SLC4A10: variants seen among roughly 807,000 people sequenced by gnomAD.
The protein encoded by SLC4A10 is solute carrier family 4 member 10, also known as sodium-driven chloride bicarbonate exchanger.
SLC4A10 carries 42 observed loss-of-function variants against 137.7 expected under a neutral mutation model. That is an observed-to-expected ratio of 0.30 (90% CI 0.24 to 0.39). The LOEUF is 0.39. SLC4A10 is among the 10% of genes least tolerant of loss of function. The pLI is 1.00. For missense variants in SLC4A10, 925 were observed against 1,355.0 expected (o/e 0.68, Z 4.98); for synonymous variants, 474 against 464.1 (o/e 1.02, Z -0.27).
chr2:161,983,331 C>T lies in SLC4A10; in HGVS notation c.*179C>T. The T allele has an allele frequency of 7.8e-7, 1 of 1,287,852 alleles. No homozygotes were observed. The highest frequency in any genetic ancestry group is 1.3e-5 in the South Asian group (1 of 74,610). The allele number at this position is 1,287,852 out of a possible 1,614,324, so 79.8% of individuals were successfully genotyped here. On this transcript the variant is annotated 3_prime_UTR_variant, in exon 27 of 27. Transcript: ENST00000446997. The stretch of plus-strand genomic sequence containing the variant: ...CTGCTTTGATCATGTATTGTAAATT[C>T]TGTCCCTCAACCCAAATCCACCTTC...
At chr2:161,662,964 C>T (rs917270002) in intron 1 of SLC4A10, among the ~76,000 whole-genome samples, 21 of 152,168 alleles carry the variant, frequency 1.4e-4, no homozygotes, top group African/African-American at 4.1e-4. Context: ...GAAAGATAGA[C>T]GTGGACCTGG....
At chr2:161,916,743 A>T (rs754790114) in intron 15 of SLC4A10, among the ~76,000 whole-genome samples, 3 of 152,144 alleles carry the variant, frequency 2.0e-5, no homozygotes, top group Non-Finnish European at 4.4e-5. Context: ...CTGTCTTTTT[A>T]AAAATATTTT....
At chr2:161,940,199 A>G (rs911571762) in intron 15 of SLC4A10, among the ~76,000 whole-genome samples, 2 of 152,190 alleles carry the variant, frequency 1.3e-5, no homozygotes, top group Non-Finnish European at 2.9e-5. Flanking sequence ...CTCCCAGCTC[A>G]GCATGACAGA....
chr2:161,696,054 C>G (rs1306567710), intron 1 of SLC4A10, among the ~76,000 whole-genome samples: 1 of 151,182 alleles, frequency 6.6e-6, no homozygotes, highest in East Asian at 2.0e-4. Context: ...TAATGCTATC[C>G]CACCCCACTT....
At chr2:161,745,974 G>A (rs576684039) in intron 1 of SLC4A10, among the ~76,000 whole-genome samples, 19 of 152,202 alleles carry the variant, frequency 1.2e-4, no homozygotes, top group African/African-American at 4.6e-4. Flanking sequence ...AAAGTTGAAG[G>A]AGAAGTGATT....
At chr2:161,934,014 T>A (rs1691113025) in intron 15 of SLC4A10, among the ~76,000 whole-genome samples, 1 of 152,084 alleles carries the variant, frequency 6.6e-6, no homozygotes, top group South Asian at 2.1e-4. Context: ...TAAAAAAAAA[T>A]TAATTTTTAA....
intron 16 of SLC4A10, among the ~76,000 whole-genome samples, chr2:161,945,667 A>G (rs1559598062): frequency 6.6e-6 from 1 of 151,690 alleles, no homozygotes; most frequent in African/African-American, 2.4e-5. Context: ...TATAAATCTG[A>G]AAATAATTGT....
At chr2:161,659,128 C>T (rs1005833991) in intron 1 of SLC4A10, among the ~76,000 whole-genome samples, 3 of 151,904 alleles carry the variant, frequency 2.0e-5, no homozygotes, top group Admixed American at 2.0e-4. Context: ...GCATTAATTA[C>T]AATAGCAAAG....
intron 15 of SLC4A10, among the ~76,000 whole-genome samples, chr2:161,938,709 GAA>G (rs1184618720): frequency 4.0e-5 from 5 of 125,292 alleles, no homozygotes; most frequent in Admixed American, 8.0e-5. Context: ...TTATAGAAGA[GAA>G]AAAAAAAAAA....
chr2:161,787,285 C>A (rs2053732718), intron 2 of SLC4A10, among the ~76,000 whole-genome samples: 1 of 152,148 alleles, frequency 6.6e-6, no homozygotes, highest in Non-Finnish European at 1.5e-5. Flanking sequence ...GTTGAGAAAG[C>A]CACTGCTAGT....
Position 161,625,723 on chromosome 2 carries a change from C to T in SLC4A10, c.48+1157C>T, listed in dbSNP as rs570439034. Among the ~76,000 whole-genome samples the T allele has an allele frequency of 1.9e-4, 29 of 152,098 alleles. No homozygotes were observed. The South Asian group carries it at 5.6e-3, about 29-fold the overall frequency. On this transcript the variant is annotated intron_variant, in intron 1 of 26. Coordinates refer to ENST00000446997, the MANE Select transcript of SLC4A10 (RefSeq NM_001178015.2). ...CGGGCTCACATGCTGCAAAAAGATTCCAGTTTGCATCCCCGGAATCAACTG... is the reference window on the plus strand; with the variant it reads ...CGGGCTCACATGCTGCAAAAAGATTTCAGTTTGCATCCCCGGAATCAACTG...
At chr2:161,662,808 G>A (rs2038594537) in intron 1 of SLC4A10, among the ~76,000 whole-genome samples, 1 of 152,180 alleles carries the variant, frequency 6.6e-6, no homozygotes, top group Non-Finnish European at 1.5e-5. Context: ...TCTCTAAGCT[G>A]ACAAACCATT....
intron 3 of SLC4A10, among the ~76,000 whole-genome samples, chr2:161,839,533 A>C (rs1394738555): frequency 6.6e-6 from 1 of 151,938 alleles, no homozygotes; most frequent in Non-Finnish European, 1.5e-5. Flanking sequence ...TATTTTATTT[A>C]TTATTTATTA....
intron 15 of SLC4A10, among the ~76,000 whole-genome samples, chr2:161,916,912 A>G (rs969618736): frequency 2.0e-5 from 3 of 152,226 alleles, no homozygotes. Context: ...TTATTGAAGG[A>G]TCATTTATAT....
At chr2:161,753,706 A>T (rs1490229913) in intron 1 of SLC4A10, among the ~76,000 whole-genome samples, 7 of 152,016 alleles carry the variant, frequency 4.6e-5, no homozygotes, top group Non-Finnish European at 8.8e-5. Context: ...TTTACTTGTT[A>T]TTTCACTTTC....
rs374222744 is a variant in SLC4A10 at position 161,834,492 on chromosome 2, A to G, written c.278-5297A>G. 1.6e-4 allele frequency among the ~76,000 whole-genome samples: 24 copies of G among 152,278 alleles called. No individual in the cohort carries two copies. In the East Asian group the frequency reaches 3.9e-3, roughly 25 times the overall value. Reference sequence around the variant, plus strand: ...ACTTCCCCTGGAGCCTCCCACATAAAGAAAAGTCCTTGGTGTGAGTCTCTC... The same window carrying G: ...ACTTCCCCTGGAGCCTCCCACATAAGGAAAAGTCCTTGGTGTGAGTCTCTC... On this transcript the variant is annotated intron_variant, in intron 3 of 26. Transcript: ENST00000446997.
intron 1 of SLC4A10, among the ~76,000 whole-genome samples, chr2:161,768,357 C>T (rs1416909641): frequency 6.6e-6 from 1 of 151,996 alleles, no homozygotes; most frequent in African/African-American, 2.4e-5. Flanking sequence ...GAGACAGTGT[C>T]CAGTTATTTT....
At chr2:161,637,116 T>C (rs922146733) in intron 1 of SLC4A10, among the ~76,000 whole-genome samples, 1 of 147,358 alleles carries the variant, frequency 6.8e-6, no homozygotes, top group Non-Finnish European at 1.5e-5. Flanking sequence ...TTTATGTATA[T>C]ATATCTATAT....
At chr2:161,909,779 C>T (rs1324409440) in intron 15 of SLC4A10, among the ~76,000 whole-genome samples, 1 of 152,076 alleles carries the variant, frequency 6.6e-6, no homozygotes, top group Non-Finnish European at 1.5e-5. Context: ...TAAGTTATTG[C>T]TAATTACTGC....
Sources: allele counts gnomAD v4.1 joint callset (sites outside exome capture counted in the v4.1 genomes callset), GRCh38; gene constraint gnomAD v4.1.1; transcripts MANE v1.5; gene names NCBI Gene and HGNC (gene_info 2026-07-23, HGNC 2026-07-21).